SLC49A4: variants seen among roughly 807,000 people sequenced by gnomAD.
SLC49A4 encodes the protein solute carrier family 49 member 4.
In SLC49A4, 36 loss-of-function variants were observed where a neutral mutation model predicts 50.6. That is an observed-to-expected ratio of 0.71 (90% CI 0.55 to 0.94). The LOEUF (loss-of-function observed/expected upper bound fraction) is 0.94, where lower values mean the gene tolerates loss of function less well. Ranked by LOEUF, SLC49A4 falls within the 40% of genes least tolerant of loss-of-function variation. SLC49A4 has a pLI of 0.00. For synonymous variants in SLC49A4, 248 were observed against 241.2 expected, an observed-to-expected ratio of 1.03 and a Z score of -0.26; for missense variants, 503 against 605.7, an observed-to-expected ratio of 0.83 and a Z score of 1.78.
At chr3:122,830,267 A>G (rs1490087219) in intron 3 of SLC49A4, among the ~76,000 whole-genome samples, 3 of 152,222 alleles carry the variant, frequency 2.0e-5, no homozygotes, top group Admixed American at 6.5e-5. Flanking sequence ...ATGTAGTGCA[A>G]TCCCTTTAAA....
intron 2 of SLC49A4, among the ~76,000 whole-genome samples, chr3:122,823,601 G>A (rs760937751): frequency 7.2e-5 from 11 of 152,096 alleles, no homozygotes; most frequent in Non-Finnish European, 1.5e-4. Flanking sequence ...TATGTTTGTT[G>A]AATTAAGTAA....
At chr3:122,813,114 G>T (rs930406264) in intron 2 of SLC49A4, among the ~76,000 whole-genome samples, 1 of 151,982 alleles carries the variant, frequency 6.6e-6, no homozygotes, top group Non-Finnish European at 1.5e-5. Flanking sequence ...GCCGGGCGTG[G>T]AGGCGCTTGC....
At chr3:122,861,786 A>G (rs1937059786) in intron 7 of SLC49A4, among the ~76,000 whole-genome samples, 1 of 152,202 alleles carries the variant, frequency 6.6e-6, no homozygotes, top group Non-Finnish European at 1.5e-5. Context: ...TATACTCAAA[A>G]TTAGCAACCT....
chr3:122,863,098 T>C (rs1206690366), intron 7 of SLC49A4, among the ~76,000 whole-genome samples: 2 of 152,218 alleles, frequency 1.3e-5, no homozygotes, highest in Admixed American at 1.3e-4. Flanking sequence ...TAAGTTCTAC[T>C]GTTGTTTTCA....
At chr3:122,839,234 A>G (rs1936734543) in intron 4 of SLC49A4, among the ~76,000 whole-genome samples, 1 of 152,170 alleles carries the variant, frequency 6.6e-6, no homozygotes, top group Admixed American at 6.5e-5. Flanking sequence ...CCTTATACAA[A>G]AATAAACTCA....
intron 7 of SLC49A4, among the ~76,000 whole-genome samples, chr3:122,868,276 A>G (rs1185550340): frequency 6.6e-6 from 1 of 152,072 alleles, no homozygotes; most frequent in Non-Finnish European, 1.5e-5. Context: ...GCTACACAGG[A>G]CTTTGTTTTT....
At chr3:122,844,065 A>G (rs1273190310) in intron 4 of SLC49A4, among the ~76,000 whole-genome samples, 4 of 152,198 alleles carry the variant, frequency 2.6e-5, no homozygotes, top group Non-Finnish European at 5.9e-5. Context: ...ATAGACCTGA[A>G]AATTTCTTTG....
Position 122,860,059 on chromosome 3 carries a change from G to A in SLC49A4, c.1011-16G>A, listed in dbSNP as rs1937038969. 1 of 1,596,762 alleles carries A rather than the reference G, an allele frequency of 6.3e-7. No homozygotes were observed. Among genetic ancestry groups the A allele is most frequent in the East Asian group, 2.3e-5 (1 of 44,224 alleles). On this transcript the variant is annotated splice_polypyrimidine_tract_variant and intron_variant, in intron 6 of 8. Coordinates refer to ENST00000261038, the MANE Select transcript of SLC49A4 (RefSeq NM_032839.3). ...TTTAAATCCCACTAGAATTAATAGAGCATTTTTGTTTTTAGGTTTGCAGAT... is the reference window on the plus strand; with the variant it reads ...TTTAAATCCCACTAGAATTAATAGAACATTTTTGTTTTTAGGTTTGCAGAT...
chr3:122,852,434 G>T (rs911775915), intron 5 of SLC49A4, among the ~76,000 whole-genome samples: 11 of 151,986 alleles, frequency 7.2e-5, no homozygotes, highest in African/African-American at 2.7e-4. Flanking sequence ...TTATATGTTT[G>T]ATATTTGGTA....
Position 122,803,965 on chromosome 3 carries a change from ATT to A in SLC49A4, c.344-2890_344-2889del, listed in dbSNP as rs901907340. 1.8e-4 allele frequency among the ~76,000 whole-genome samples: 28 copies of A among 152,306 alleles called. No homozygotes were observed. The South Asian group carries it at 4.4e-3, about 24-fold the overall frequency. Reference sequence around the variant, plus strand: ...TTACTGTTGTAATCACTTGGGGTCTATTTATATAACAGTCCTATATGTCTCAG... The same window carrying A: ...TTACTGTTGTAATCACTTGGGGTCTATATATAACAGTCCTATATGTCTCAG... On this transcript the variant is annotated intron_variant, in intron 1 of 8. Coordinates refer to ENST00000261038, the MANE Select transcript of SLC49A4 (RefSeq NM_032839.3).
At chr3:122,824,159 T>C (rs1360425060) in intron 2 of SLC49A4, among the ~76,000 whole-genome samples, 1 of 152,236 alleles carries the variant, frequency 6.6e-6, no homozygotes, top group Non-Finnish European at 1.5e-5. Context: ...AGCATGTAAT[T>C]ATCTAAAATT....
chr3:122,877,074 C>T (rs971796667), intron 8 of SLC49A4, among the ~76,000 whole-genome samples: 4 of 152,046 alleles, frequency 2.6e-5, no homozygotes, highest in Non-Finnish European at 4.4e-5. Flanking sequence ...CAGTGGCTCG[C>T]GATTCTGTTA....
chr3:122,830,851 G>A (rs1936598354), intron 3 of SLC49A4, among the ~76,000 whole-genome samples: 1 of 152,122 alleles, frequency 6.6e-6, no homozygotes, highest in African/African-American at 2.4e-5. Flanking sequence ...ACAGTCCACA[G>A]AATGGGAGAA....
At chr3:122,876,955 C>T (rs1370427696) in intron 8 of SLC49A4, among the ~76,000 whole-genome samples, 1 of 152,096 alleles carries the variant, frequency 6.6e-6, no homozygotes, top group Non-Finnish European at 1.5e-5. Flanking sequence ...ACTGTAGGCC[C>T]CTGCCTTCAA....
chr3:122,823,069 G>T (rs975956919), intron 2 of SLC49A4, among the ~76,000 whole-genome samples: 1 of 152,134 alleles, frequency 6.6e-6, no homozygotes, highest in African/African-American at 2.4e-5. Flanking sequence ...TTTCAGCCTT[G>T]CCCTTCCATG....
Position 122,825,668 on chromosome 3 carries a change from TG to T in SLC49A4, c.438-1131del, listed in dbSNP as rs1936516273. Reference sequence around the variant, plus strand: ...AAAAGAGGATTTGAGACTCACATAGTGCTTAGAAAGCAAAACAAGCAGAAGA... The same window carrying T: ...AAAAGAGGATTTGAGACTCACATAGTCTTAGAAAGCAAAACAAGCAGAAGA... On this transcript the variant is annotated intron_variant, in intron 2 of 8. Coordinates refer to ENST00000261038, the MANE Select transcript of SLC49A4 (RefSeq NM_032839.3). Among the ~76,000 whole-genome samples the T allele has an allele frequency of 2.0e-5, 3 of 150,878 alleles. 1 individual carries two copies. In the South Asian group the frequency reaches 6.3e-4, roughly 32 times the overall value.
chr3:122,869,532 A>ACCTATACCTGCAT (rs1251041341), intron 7 of SLC49A4, among the ~76,000 whole-genome samples: 124 of 152,298 alleles, frequency 8.1e-4, no homozygotes, highest in Middle Eastern at 6.8e-3. Context: ...TTTTTTGGAT[A>ACCTATACCTGCAT]AGTGTTCTTT....
chr3:122,856,167 T>A (rs1936986629), intron 5 of SLC49A4, 140 bp from the exon 6 acceptor site: 1 of 705,574 alleles, frequency 1.4e-6, no homozygotes, highest in East Asian at 2.6e-5. Context: ...TTTAGATGTT[T>A]GTATACATTA....
At chr3:122,852,850 G>A (rs1936942963) in intron 5 of SLC49A4, among the ~76,000 whole-genome samples, 2 of 152,094 alleles carry the variant, frequency 1.3e-5, no homozygotes, top group South Asian at 4.1e-4. Context: ...AAGGAAAATT[G>A]TCTCCAAATA....
Sources: allele counts gnomAD v4.1 joint callset (sites outside exome capture counted in the v4.1 genomes callset), GRCh38; gene constraint gnomAD v4.1.1; transcripts MANE v1.5; gene names NCBI Gene and HGNC (gene_info 2026-07-23, HGNC 2026-07-21).